The following RASSF5 variants were observed in gnomAD, a reference collection of about 807,000 sequenced individuals.
RASSF5 encodes Ras association domain family member 5.
RASSF5 carries 25 observed loss-of-function variants against 40.5 expected under a neutral mutation model. The ratio of observed to expected loss-of-function variants is 0.62; its 90% CI spans 0.45 to 0.86. The LOEUF is 0.86. Among genes scored for constraint, RASSF5 ranks in the 40% least tolerant of loss-of-function variants. The pLI, the probability that RASSF5 is intolerant of heterozygous loss-of-function variation, is 0.00. For synonymous variants in RASSF5, 246 were observed against 252.4 expected (o/e 0.97, Z 0.24); for missense variants, 521 against 572.8 (o/e 0.91, Z 0.92).
chr1:206,527,158 A>G (rs898075039), intron 1 of RASSF5, among the ~76,000 whole-genome samples: 2 of 152,154 alleles, frequency 1.3e-5, no homozygotes, highest in African/African-American at 4.8e-5. Flanking sequence ...TGAGTGTTCC[A>G]TCTTTTCCAC....
chr1:206,521,342 A>G (rs1280397079), intron 1 of RASSF5, among the ~76,000 whole-genome samples: 1 of 152,170 alleles, frequency 6.6e-6, no homozygotes, highest in Non-Finnish European at 1.5e-5. Flanking sequence ...CGCCCGGTTG[A>G]TGATTGGCAC....
In RASSF5 at chr1:206,538,219, G is replaced by T; in HGVS notation, c.505G>T (p.Asp169Tyr). ...HPECRSLIQL[D>Y]CSQQEGLSRD... ...AGAATGCCGCAGCCTGATCCAGTTG[G>T]ACTGCAGTCAGCAGGAGGGTTTATC... The change falls in exon 2 of 6, where the codon GAC becomes TAC. Residue 169 changes from aspartate (D) to tyrosine (Y), a missense_variant. By Grantham distance (160) the Asp-to-Tyr change is radical. Coordinates refer to ENST00000579436, the MANE Select transcript of RASSF5 (RefSeq NM_182663.4). The T allele has an allele frequency of 6.2e-7, 1 of 1,614,176 alleles. No homozygotes were observed. The highest frequency in any genetic ancestry group is 8.5e-7 in the Non-Finnish European group (1 of 1,180,028).
chr1:206,576,131 A>G (rs576292654), intron 2 of RASSF5, among the ~76,000 whole-genome samples: 2 of 152,352 alleles, frequency 1.3e-5, no homozygotes, highest in East Asian at 1.9e-4. Flanking sequence ...GGGAGATGGG[A>G]TTAACATGTG....
chr1:206,530,050 T>A (rs1667196648), intron 1 of RASSF5, among the ~76,000 whole-genome samples: 1 of 152,244 alleles, frequency 6.6e-6, no homozygotes, highest in African/African-American at 2.4e-5. Context: ...TGGTACCTGA[T>A]GTCATCACAG....
chr1:206,508,515 C>T (rs1174775646), intron 1 of RASSF5, among the ~76,000 whole-genome samples: 1 of 152,118 alleles, frequency 6.6e-6, no homozygotes, highest in Non-Finnish European at 1.5e-5. Flanking sequence ...ACTGACAAAA[C>T]GCTTGTTTGT....
rs1667874058 is a variant in RASSF5 at position 206,552,736 on chromosome 1, T to C, written c.579+14443T>C. Among the ~76,000 whole-genome samples the C allele has an allele frequency of 1.3e-5, 2 of 152,230 alleles. No individual in the cohort carries two copies. Among genetic ancestry groups the C allele is most frequent in the Non-Finnish European group, 2.9e-5 (2 of 68,038 alleles). On this transcript the variant is annotated intron_variant, in intron 2 of 5. Coordinates refer to ENST00000579436, the MANE Select transcript of RASSF5 (RefSeq NM_182663.4). This position sits in a 1 kb window ranked among gnomAD's most constrained non-coding sequence, Gnocchi z 4.1. ...GTTCATTCATCTGCAAAATACCTTC[T>C]TGCAGGGTTCTGAGGATTAAGTGAG...
chr1:206,547,425 A>C (rs868934925), intron 2 of RASSF5, among the ~76,000 whole-genome samples: 2 of 151,684 alleles, frequency 1.3e-5, no homozygotes, highest in African/African-American at 2.4e-5. Context: ...CCTGAACCCT[A>C]TTGTGAACTG....
chr1:206,586,913 A>G lies in RASSF5; in HGVS notation c.1192A>G (p.Lys398Glu), dbSNP rs1553407780. 6.2e-7 allele frequency: 1 copy of G among 1,614,196 alleles called. No homozygotes were observed. Among genetic ancestry groups the G allele is most frequent in the South Asian group, 1.1e-5 (1 of 91,086 alleles). Reference sequence around the variant, plus strand: ...GGACAAAATCCAACAAGTGCAAAAGAAGTATGACAAGTTTAGGCAGAAACT... The same window carrying G: ...GGACAAAATCCAACAAGTGCAAAAGGAGTATGACAAGTTTAGGCAGAAACT... The part of the protein sequence containing the change: ...EQDKIQQVQK[K>E]YDKFRQKLEE... Residue 398 changes from lysine (K) to glutamate (E), a missense_variant, in exon 6 of 6, where the codon AAG becomes GAG. This residue lies in a region of RASSF5 where 284 missense variants were observed against 360.8 expected (regional missense o/e 0.79). Coordinates refer to ENST00000579436, the MANE Select transcript of RASSF5 (RefSeq NM_182663.4).
intron 1 of RASSF5, 62 bp downstream of exon 1, chr1:206,508,121 G>T: frequency 8.0e-7 from 1 of 1,246,702 alleles, no homozygotes; most frequent in Non-Finnish European, 1.0e-6. Flanking sequence ...GAAGGACTGG[G>T]AGGGCCCTGG....
At chr1:206,555,428 G>C (rs142511469) in intron 2 of RASSF5, among the ~76,000 whole-genome samples, 1 of 151,870 alleles carries the variant, frequency 6.6e-6, no homozygotes, top group South Asian at 2.1e-4. Context: ...ATGAAGAAAA[G>C]CATGTTTCTT....
chr1:206,549,213 A>C (rs1304279064), intron 2 of RASSF5, among the ~76,000 whole-genome samples: 1 of 151,728 alleles, frequency 6.6e-6, no homozygotes, highest in African/African-American at 2.4e-5. Context: ...CAAGTTTGTT[A>C]ATCTTTTCTT....
chr1:206,566,111 C>A (rs927535105), intron 2 of RASSF5, among the ~76,000 whole-genome samples: 12 of 152,172 alleles, frequency 7.9e-5, no homozygotes, highest in African/African-American at 2.9e-4. Flanking sequence ...ATTTCTGCTA[C>A]CATCAAGCCA....
intron 2 of RASSF5, among the ~76,000 whole-genome samples, chr1:206,561,963 C>G (rs571728954): frequency 1.3e-5 from 2 of 152,042 alleles, no homozygotes; most frequent in East Asian, 3.9e-4. Flanking sequence ...CCACCGCACC[C>G]GGCCTATAGT....
At chr1:206,542,825 G>C (rs1344550651) in intron 2 of RASSF5, 2 of 152,108 alleles carry the variant, frequency 1.3e-5, no homozygotes, top group Non-Finnish European at 2.9e-5. Context: ...ATGTACTTAG[G>C]AATTTTTTCT....
chr1:206,507,781 G>T lies in RASSF5; in HGVS notation c.179G>T (p.Arg60Leu). ...LSTAPGAREG[R>L]SARRAARGNL... is the part of the protein sequence containing the mutation. ...ACTGCGCCCGGGGCGCGCGAGGGGCGCAGCGCCCGGAGGGCTGCCCGGGGG... is the reference window on the plus strand; with the variant it reads ...ACTGCGCCCGGGGCGCGCGAGGGGCTCAGCGCCCGGAGGGCTGCCCGGGGG... Residue 60 changes from arginine (R) to leucine (L), a missense_variant, in exon 1 of 6, where the codon CGC (arginine) becomes CTC (leucine). By Grantham distance (102) the Arg-to-Leu change is moderately radical. Transcript: ENST00000579436. 1.4e-6 allele frequency: 2 copies of T among 1,390,938 alleles called. No individual in the cohort carries two copies. Among genetic ancestry groups the T allele is most frequent in the Non-Finnish European group, 1.8e-6 (2 of 1,083,138 alleles). 86.2% of individuals were successfully genotyped at this position (1,390,938 alleles called of 1,614,324 possible). A position where few individuals can be genotyped will look rare whatever the true frequency, so the allele number is the denominator to read the frequency against.
intron 1 of RASSF5, among the ~76,000 whole-genome samples, chr1:206,509,068 T>C (rs1364999577): frequency 1.3e-5 from 2 of 151,890 alleles, no homozygotes; most frequent in East Asian, 3.9e-4. Flanking sequence ...ATTTCAAATA[T>C]CTGAAGCCCA....
At chr1:206,538,405 T>G in intron 2 of RASSF5, 112 bp downstream of exon 2, 1 of 1,403,438 alleles carries the variant, frequency 7.1e-7, no homozygotes, top group Non-Finnish European at 9.9e-7. Flanking sequence ...GGCCTCAGAT[T>G]CCACATGCAC....
At chr1:206,532,824 T>G (rs1299944984) in intron 1 of RASSF5, among the ~76,000 whole-genome samples, 2 of 152,206 alleles carry the variant, frequency 1.3e-5, no homozygotes, top group African/African-American at 4.8e-5. Flanking sequence ...AGTTCTATGT[T>G]GTCTCTGTAT....
chr1:206,583,326 CAGA>C lies in RASSF5; in HGVS notation c.641_643del (p.Lys214del). ...CCCGCCCACACTGCAGGAGATCAAG[CAGA>C]AGATCGACAGCTACAACACGCGAGA... On this transcript the variant is annotated inframe_deletion, in exon 3 of 6. Coordinates refer to ENST00000579436, the MANE Select transcript of RASSF5 (RefSeq NM_182663.4). The C allele has an allele frequency of 1.9e-6, 3 of 1,613,596 alleles. No individual in the cohort carries two copies. The highest frequency in any genetic ancestry group is 2.5e-6 in the Non-Finnish European group (3 of 1,179,750).
Sources: gnomAD v4.1 joint callset for allele counts (sites outside exome capture counted in the v4.1 genomes callset) on GRCh38, gnomAD v4.1.1 for gene constraint, gnomAD v4.1.1 regional missense constraint, Gnocchi (gnomAD v3.1) non-coding constraint, MANE v1.5 for transcripts, NCBI Gene and HGNC (gene_info 2026-07-23, HGNC 2026-07-21) for gene names.